The following PABIR3 variants were observed in gnomAD, a reference collection of about 807,000 sequenced individuals.
PABIR3 encodes PABIR family member 1.
Under a neutral mutation model 23.1 loss-of-function variants are expected in PABIR3, and 20 were observed. That is an observed-to-expected ratio of 0.86 (90% confidence interval 0.61 to 1.26). The LOEUF is 1.26. Among genes scored for constraint, PABIR3 ranks in the 50% most tolerant of loss-of-function variants. The pLI, the probability that PABIR3 is intolerant of heterozygous loss-of-function variation, is 0.00. For missense variants in PABIR3, 189 were observed against 195.4 expected (o/e 0.97, Z 0.20); for synonymous variants, 69 against 68.5 (o/e 1.01, Z -0.04).
In PABIR3 at chrX:134,845,102, A is replaced by G. The variant is rs778506365; in HGVS notation, c.247-103A>G. On this transcript the variant is annotated intron_variant, in intron 4 of 10. Coordinates refer to ENST00000645433, the MANE Select transcript of PABIR3 (RefSeq NM_001388447.1). Reference sequence around the variant, plus strand: ...GATTTATTTATTCTCTAGTTCTTCTATAGCCTAGTGAATAAAAATAATGGT... The same window carrying G: ...GATTTATTTATTCTCTAGTTCTTCTGTAGCCTAGTGAATAAAAATAATGGT... 15 of 630,359 alleles carry G rather than the reference A, an allele frequency of 2.4e-5. No individual in the cohort carries two copies. The South Asian group carries it at 2.8e-4, about 12-fold the overall frequency. 51.9% of individuals were successfully genotyped at this position (630,359 alleles called of 1,213,427 possible).
At chrX:134,840,692 G>C (rs969347711) in intron 4 of PABIR3, among the ~76,000 whole-genome samples, 2 of 110,983 alleles carry the variant, frequency 1.8e-5, no homozygotes, top group African/African-American at 6.6e-5. Flanking sequence ...ACGTGATTCT[G>C]CCCAAATTCT....
Position 134,847,431 on chromosome X carries a change from A to G in PABIR3, c.394A>G (p.Thr132Ala). The G allele has an allele frequency of 8.3e-7, 1 of 1,208,776 alleles. No individual in the cohort carries two copies. The highest frequency in any genetic ancestry group is 1.1e-6 in the Non-Finnish European group (1 of 893,189). Residue 132 changes from threonine to alanine, a missense_variant, in exon 7 of 11, where the codon ACT becomes GCT. Transcript: ENST00000645433. Reference sequence around the variant, plus strand: ...ATCCTCTCTAAAGTGCATTGATTTAACTCCAGTATCCTCAATGGCTTCTTC... The same window carrying G: ...ATCCTCTCTAAAGTGCATTGATTTAGCTCCAGTATCCTCAATGGCTTCTTC... ...KSSSLKCIDL[T>A]PVSSMASSIK...
chrX:134,814,445 C>G (rs998649011), intron 2 of PABIR3, among the ~76,000 whole-genome samples: 1 of 111,791 alleles, frequency 8.9e-6, no homozygotes, highest in African/African-American at 3.3e-5. Context: ...CGCCTGTAAT[C>G]CCAGCACTTT....
At chrX:134,836,319 G>T (rs762085644) in intron 4 of PABIR3, among the ~76,000 whole-genome samples, 2 of 112,544 alleles carry the variant, frequency 1.8e-5, no homozygotes, top group African/African-American at 3.2e-5. Flanking sequence ...AATGCATTCA[G>T]TCTGTAGTTC....
At position 134,845,387 on chromosome X, in the gene PABIR3, G is replaced by A. The variant is rs199794712; in HGVS notation, c.331G>A (p.Glu111Lys). ...SEIQISHSWE[E>K]GLKLNDNGLQ... ...GATACAGATAAGTCACTCTTGGGAA[G>A]AAGGCTTGAAACTGGTATGATATTA... Residue 111 changes from glutamate to lysine, a missense_variant, in exon 6 of 11, where the codon GAA becomes AAA. Transcript: ENST00000645433. 43 of 1,202,357 alleles carry A rather than the reference G, an allele frequency of 3.6e-5. No homozygotes were observed. The highest frequency in any genetic ancestry group is 4.8e-5 in the Non-Finnish European group (43 of 892,296).
chrX:134,861,669 G>A, the PABIR3 span, among the ~76,000 whole-genome samples: 3 of 72,663 alleles, frequency 4.1e-5, no homozygotes, highest in African/African-American at 1.1e-4. Context: ...GCGAGACTCC[G>A]CCTCAAAAAA....
At chrX:134,807,962 C>G (rs982926473) in intron 2 of PABIR3, 3 of 307,942 alleles carry the variant, frequency 9.7e-6, no homozygotes, top group Non-Finnish European at 1.7e-5. Flanking sequence ...TCCACTCGGA[C>G]CCGAAAGTAG....
At chrX:134,833,942 T>A (rs1180027955) in intron 4 of PABIR3, 1 of 112,254 alleles carries the variant, frequency 8.9e-6, no homozygotes, top group Non-Finnish European at 1.9e-5. Context: ...GTTGGTTCCA[T>A]GTCTTTGCTA....
chrX:134,825,357 ACT>A (rs2081460026), intron 3 of PABIR3, among the ~76,000 whole-genome samples: 1 of 111,332 alleles, frequency 9.0e-6, no homozygotes, highest in African/African-American at 3.3e-5. Flanking sequence ...TTTAGCACAA[ACT>A]CTGTGCCAGG....
chrX:134,854,092 C>G lies in PABIR3; in HGVS notation c.688C>G (p.Leu230Val), dbSNP rs765982782. 18 of 1,208,469 alleles carry G rather than the reference C, an allele frequency of 1.5e-5. No individual in the cohort carries two copies. The East Asian group carries it at 5.0e-4, about 34-fold the overall frequency. ...TSQLSENNVY[L>V]LPATFDGNDS... ...ATGAGTGGCATTTTCTTCTTCTAGT[C>G]TACTTCCAGCTACTTTTGATGGAAA... The change falls in exon 11 of 11, where the codon CTA (leucine) becomes GTA (valine). Residue 230 changes from leucine (L) to valine (V), a missense_variant and splice_region_variant. By Grantham distance (32) the Leu-to-Val change is conservative. Coordinates refer to ENST00000645433, the MANE Select transcript of PABIR3 (RefSeq NM_001388447.1).
At chrX:134,845,161 A>G in intron 4 of PABIR3, 44 bp from the exon 5 acceptor site, 1 of 1,055,317 alleles carries the variant, frequency 9.5e-7, no homozygotes. Flanking sequence ...ATAAAACCAT[A>G]GGAACTGGGT....
rs2082489866 is a variant in PABIR3, at chrX:134,847,954, T to A, written c.510T>A (p.Pro170=). 1 of 1,147,509 alleles carries A rather than the reference T, an allele frequency of 8.7e-7. No individual in the cohort carries two copies. The highest frequency in any genetic ancestry group is 1.8e-5 in the African/African-American group (1 of 55,704). The allele number at this position is 1,147,509 out of a possible 1,213,427, so 94.6% of individuals were successfully genotyped here. A position where few individuals can be genotyped will look rare whatever the true frequency, so the allele number is the denominator to read the frequency against. Residue 170 remains proline, a synonymous_variant, in exon 8 of 11, where the codon CCT becomes CCA. Transcript: ENST00000645433. ...CGCCTTCAAGTCCTATTCCCAGTCC[T>A]ATGCAACAATACATCATGTAAGTTT... ...TGSPSSPIPS[P]MQQYIIRSQN... is the part of the protein sequence containing the mutation.
At chrX:134,843,562 C>CTTTTTTTTTT (rs140467304) in intron 4 of PABIR3, among the ~76,000 whole-genome samples, 1 of 42,306 alleles carries the variant, frequency 2.4e-5, no homozygotes, top group African/African-American at 9.6e-5. Context: ...AGGCTTATTT[C>CTTTTTTTTTT]TTTTTTTTTT....
chrX:134,821,493 C>G (rs769323901), intron 3 of PABIR3: 1 of 1,152,402 alleles, frequency 8.7e-7, no homozygotes, highest in Non-Finnish European at 1.1e-6. Flanking sequence ...CTGCTCAAGC[C>G]GGATGTCACT....
At chrX:134,800,467 C>A (rs772086820) in intron 1 of PABIR3, among the ~76,000 whole-genome samples, 4 of 110,457 alleles carry the variant, frequency 3.6e-5, no homozygotes, top group Non-Finnish European at 7.6e-5. Context: ...GGCTTTGGAA[C>A]CTTCTACTAA....
chrX:134,818,502 G>A (rs1181417879), intron 3 of PABIR3, among the ~76,000 whole-genome samples: 4 of 111,948 alleles, frequency 3.6e-5, no homozygotes, highest in African/African-American at 1.3e-4. Context: ...CTGTCAAGCC[G>A]TCAAACAGAC....
At chrX:134,852,769 A>G (rs1275593237) in intron 9 of PABIR3, 31 bp from the exon 10 acceptor site, 1 of 861,380 alleles carries the variant, frequency 1.2e-6, no homozygotes, top group East Asian at 3.9e-5. Context: ...GTTAAATAAA[A>G]CATCTACCTT....
chrX:134,863,951 T>C, the PABIR3 span, among the ~76,000 whole-genome samples: 1 of 112,488 alleles, frequency 8.9e-6, no homozygotes, highest in South Asian at 3.7e-4. Flanking sequence ...TGCATCTTCG[T>C]ACACAGGATG....
intron 3 of PABIR3, chrX:134,822,585 C>T (rs2081338589): frequency 1.3e-6 from 1 of 749,322 alleles, no homozygotes; most frequent in Non-Finnish European, 1.6e-6. Flanking sequence ...TAAGCCTTTG[C>T]CTGAACCTAA....
Sources: allele counts gnomAD v4.1 joint callset (sites outside exome capture counted in the v4.1 genomes callset), GRCh38; gene constraint gnomAD v4.1.1; transcripts MANE v1.5; gene names NCBI Gene and HGNC (gene_info 2026-07-23, HGNC 2026-07-21).